The following SDCCAG8 variants were observed in gnomAD, a reference collection of about 807,000 sequenced individuals.
SDCCAG8 encodes serologically defined colon cancer antigen 8.
SDCCAG8 carries 74 observed loss-of-function variants against 101.8 expected under a neutral mutation model. The observed-to-expected ratio is 0.73, with a 90% CI of 0.60 to 0.88. The LOEUF (loss-of-function observed/expected upper bound fraction) is 0.88, where lower values mean the gene tolerates loss of function less well. SDCCAG8 is among the 40% of genes least tolerant of loss of function. The probability of loss-of-function intolerance (pLI) is 0.00; values close to 1 mark genes in which losing one functional copy is unlikely to be tolerated. For synonymous variants in SDCCAG8, 281 were observed against 292.9 expected (o/e 0.96, Z 0.41); for missense variants, 787 against 822.6 (o/e 0.96, Z 0.53).
intron 10 of SDCCAG8, among the ~76,000 whole-genome samples, chr1:243,332,152 T>C (rs2074651477): frequency 6.6e-6 from 1 of 152,098 alleles, no homozygotes; most frequent in Non-Finnish European, 1.5e-5. Context: ...TTCTAGGAAT[T>C]TGGAGAAGGC....
intron 9 of SDCCAG8, among the ~76,000 whole-genome samples, chr1:243,317,410 T>C (rs2073356363): frequency 6.7e-6 from 1 of 150,114 alleles, no homozygotes; most frequent in Non-Finnish European, 1.5e-5. Context: ...AACCTCTTCC[T>C]CCTGGGTTCA....
chr1:243,312,983 G>A (rs2072898908), intron 8 of SDCCAG8, among the ~76,000 whole-genome samples: 1 of 152,198 alleles, frequency 6.6e-6, no homozygotes, highest in African/African-American at 2.4e-5. Flanking sequence ...AATGATCAAA[G>A]TACCTTCACA....
chr1:243,410,760 C>T (rs2080115298), intron 13 of SDCCAG8, among the ~76,000 whole-genome samples: 2 of 151,976 alleles, frequency 1.3e-5, no homozygotes, highest in African/African-American at 2.4e-5. Flanking sequence ...TTTTAAATTG[C>T]AAGATTTAAA....
intron 12 of SDCCAG8, among the ~76,000 whole-genome samples, chr1:243,376,869 G>C (rs767588548): frequency 4.6e-5 from 7 of 152,094 alleles, no homozygotes; most frequent in Non-Finnish European, 8.8e-5. Context: ...TTGCATACCT[G>C]TTTAAACCAT....
chr1:243,316,642 C>T (rs1253631594), intron 8 of SDCCAG8, 113 bp from the exon 9 acceptor site: 4 of 1,293,186 alleles, frequency 3.1e-6, no homozygotes, highest in Middle Eastern at 1.9e-4. Context: ...CATATGTGCT[C>T]AGCCGGCCTA....
chr1:243,373,353 A>G (rs910865357), intron 12 of SDCCAG8, among the ~76,000 whole-genome samples: 4 of 152,112 alleles, frequency 2.6e-5, no homozygotes, highest in African/African-American at 9.7e-5. Flanking sequence ...TTCTAAGGTG[A>G]TGTATAGTTG....
intron 13 of SDCCAG8, among the ~76,000 whole-genome samples, chr1:243,387,532 GA>G: frequency 6.6e-6 from 1 of 152,286 alleles, no homozygotes; most frequent in South Asian, 2.1e-4. Context: ...GGGAAGATCT[GA>G]CCTGTGACCT....
intron 4 of SDCCAG8, 88 bp downstream of exon 4, chr1:243,274,744 C>T (rs2068390751): frequency 1.3e-6 from 1 of 782,782 alleles, no homozygotes. Context: ...TATAAATCTT[C>T]ATGTTTGTAG....
At chr1:243,462,400 G>C (rs1206466571) in intron 16 of SDCCAG8, among the ~76,000 whole-genome samples, 1 of 152,200 alleles carries the variant, frequency 6.6e-6, no homozygotes, top group Non-Finnish European at 1.5e-5. Flanking sequence ...TATCTTTTTA[G>C]GTAAGGGGCT....
chr1:243,318,295 C>G (rs2073442837), intron 9 of SDCCAG8, among the ~76,000 whole-genome samples: 1 of 152,096 alleles, frequency 6.6e-6, no homozygotes, highest in South Asian at 2.1e-4. Flanking sequence ...TAAGTGGGAG[C>G]TAAATGATAA....
chr1:243,272,422 A>G (rs1481763337), intron 3 of SDCCAG8, among the ~76,000 whole-genome samples: 1 of 152,192 alleles, frequency 6.6e-6, no homozygotes, highest in Non-Finnish European at 1.5e-5. Flanking sequence ...CTAAATTTAT[A>G]GATACAGATT....
intron 6 of SDCCAG8, among the ~76,000 whole-genome samples, chr1:243,294,512 A>AGAGAGAGAGAGAGAGAGAGAGAGG (rs1210020250): frequency 2.7e-5 from 4 of 148,786 alleles, no homozygotes; most frequent in Non-Finnish European, 5.9e-5. Flanking sequence ...AGAGCGAGAG[A>AGAGAGAGAGAGAGAGAGAGAGAGG]GAGAGAGAGA....
chr1:243,430,034 A>G (rs1033395747), intron 16 of SDCCAG8, among the ~76,000 whole-genome samples: 1 of 151,890 alleles, frequency 6.6e-6, no homozygotes, highest in South Asian at 2.1e-4. Context: ...AGGTCTTGCT[A>G]TGTTGTCCAG....
At chr1:243,436,739 A>G (rs1257698287) in intron 16 of SDCCAG8, among the ~76,000 whole-genome samples, 1 of 152,190 alleles carries the variant, frequency 6.6e-6, no homozygotes, top group Non-Finnish European at 1.5e-5. Flanking sequence ...TGCCAATTTT[A>G]ATATTTTTAT....
rs1299404653 is a variant in SDCCAG8, at chr1:243,304,744, G to A, written c.707G>A (p.Cys236Tyr). Reference protein sequence around the residue: ...EKLKLTYEEKCEIEESQLKFL... With the variant: ...EKLKLTYEEKYEIEESQLKFL... Reference sequence around the variant, plus strand: ...CTAAAACTTACTTATGAGGAAAAGTGTGAAATTGAGGAATCCCAATTGAAG... The same window carrying A: ...CTAAAACTTACTTATGAGGAAAAGTATGAAATTGAGGAATCCCAATTGAAG... The change falls in exon 7 of 18, where the codon TGT becomes TAT. Residue 236 changes from cysteine (C) to tyrosine (Y), a missense_variant. Coordinates refer to ENST00000366541, the MANE Select transcript of SDCCAG8 (RefSeq NM_006642.5). 2 of 1,595,628 alleles carry A rather than the reference G, an allele frequency of 1.3e-6. No homozygotes were observed. The highest frequency in any genetic ancestry group is 3.3e-5 in the Admixed American group (2 of 59,956).
intron 9 of SDCCAG8, among the ~76,000 whole-genome samples, chr1:243,327,662 TAGG>T (rs1305148298): frequency 9.9e-5 from 15 of 152,016 alleles, no homozygotes; most frequent in African/African-American, 3.6e-4. Context: ...ATTCTGAAAC[TAGG>T]AGAAGAAACT....
intron 1 of SDCCAG8, chr1:243,267,318 T>A: frequency 4.4e-6 from 1 of 228,262 alleles, no homozygotes; most frequent in Non-Finnish European, 8.7e-6. Context: ...TCCCGGTCAC[T>A]GGGCGTGGTG....
intron 13 of SDCCAG8, among the ~76,000 whole-genome samples, chr1:243,389,177 T>C (rs919207698): frequency 1.2e-4 from 12 of 103,310 alleles, no homozygotes; most frequent in Non-Finnish European, 1.8e-4. Flanking sequence ...AAATAATAAA[T>C]AAAAATGCAA....
chr1:243,310,052 C>T (rs1431434684), intron 8 of SDCCAG8, among the ~76,000 whole-genome samples: 3 of 151,886 alleles, frequency 2.0e-5, no homozygotes, highest in Non-Finnish European at 4.4e-5. Flanking sequence ...TTAGTAAAGA[C>T]GGGGTTTCAC....
Sources: allele counts gnomAD v4.1 joint callset (sites outside exome capture counted in the v4.1 genomes callset), GRCh38; gene constraint gnomAD v4.1.1; transcripts MANE v1.5; gene names NCBI Gene and HGNC (gene_info 2026-07-23, HGNC 2026-07-21).